FMNL1: variants seen among roughly 807,000 people sequenced by gnomAD.
FMNL1 encodes formin like 1.
FMNL1 carries 43 observed loss-of-function variants against 121.3 expected under a neutral mutation model. That is an observed-to-expected ratio of 0.35 (90% CI 0.28 to 0.46). The LOEUF (loss-of-function observed/expected upper bound fraction) is 0.46, where lower values mean the gene tolerates loss of function less well. Among genes scored for constraint, FMNL1 ranks in the 20% least tolerant of loss-of-function variants. The probability of loss-of-function intolerance (pLI) is 1.00; values close to 1 mark genes in which losing one functional copy is unlikely to be tolerated. For missense variants in FMNL1, 1,191 were observed against 1,482.4 expected (o/e 0.80, Z 3.23); for synonymous variants, 613 against 613.5 (o/e 1.00, Z 0.01).
Position 45,240,552 on chromosome 17 carries a change from C to T in FMNL1, c.1157C>T (p.Ala386Val), listed in dbSNP as rs371140378. The change falls in exon 12 of 27, where the codon GCG becomes GTG. Residue 386 changes from alanine to valine, a missense_variant. Transcript: ENST00000331495. ...CTGGACAATATTTTTGATGTGGGGG[C>T]GCTGCTGGAGGACACAGAGACCAAG... ...AYLDNIFDVGALLEDTETKNA... is the reference protein window; with the variant it reads ...AYLDNIFDVGVLLEDTETKNA... 52 of 1,613,852 alleles carry T rather than the reference C, an allele frequency of 3.2e-5. No individual in the cohort carries two copies. Among genetic ancestry groups the T allele is most frequent in the African/African-American group, 2.0e-4 (15 of 74,926 alleles).
In FMNL1 at chr17:45,242,331, C is replaced by T. The variant is rs750556563; in HGVS notation, c.1886-10C>T. The T allele has an allele frequency of 2.5e-6, 4 of 1,613,432 alleles. No individual in the cohort carries two copies. Among genetic ancestry groups the T allele is most frequent in the Non-Finnish European group, 3.4e-6 (4 of 1,179,514 alleles). Reference sequence around the variant, plus strand: ...CAGTGCTCACCACTGCCCCCAAACCCCCGTCCCAGGAGTGAAGGCCAAGAA... The same window carrying T: ...CAGTGCTCACCACTGCCCCCAAACCTCCGTCCCAGGAGTGAAGGCCAAGAA... On this transcript the variant is annotated splice_polypyrimidine_tract_variant and intron_variant, in intron 15 of 26. Coordinates refer to ENST00000331495, the MANE Select transcript of FMNL1 (RefSeq NM_005892.4).
At position 45,233,041 on chromosome 17, in the gene FMNL1, C is replaced by T; in HGVS notation, c.328-183C>T. 1.4e-6 allele frequency: 1 copy of T among 690,450 alleles called. No homozygotes were observed. The highest frequency in any genetic ancestry group is 2.6e-6 in the Non-Finnish European group (1 of 378,838). The allele number at this position is 690,450 out of a possible 1,614,324, so 42.8% of individuals were successfully genotyped here. ...CTGCTTGTCTATGTATGGGGGAGCACATGTAGCCTGTGAGTTCTTATTCTG... is the reference window on the plus strand; with the variant it reads ...CTGCTTGTCTATGTATGGGGGAGCATATGTAGCCTGTGAGTTCTTATTCTG... On this transcript the variant is annotated intron_variant, in intron 3 of 26. Transcript: ENST00000331495. This position sits in a 1 kb window ranked among gnomAD's most constrained non-coding sequence, Gnocchi z 4.1.
At chr17:45,227,980 C>A (rs1598181273) in intron 1 of FMNL1, among the ~76,000 whole-genome samples, 1 of 152,166 alleles carries the variant, frequency 6.6e-6, no homozygotes, top group South Asian at 2.1e-4. Flanking sequence ...GTATCCCGCC[C>A]ACCTGGACTG....
intron 1 of FMNL1, among the ~76,000 whole-genome samples, chr17:45,227,870 T>C (rs2043360334): frequency 6.6e-6 from 1 of 152,176 alleles, no homozygotes; most frequent in Non-Finnish European, 1.5e-5. Context: ...AAAGAAGCTG[T>C]AGGGCTAGTT....
At chr17:45,228,573 G>A (rs895826438) in intron 1 of FMNL1, among the ~76,000 whole-genome samples, 4 of 152,234 alleles carry the variant, frequency 2.6e-5, no homozygotes, top group African/African-American at 7.2e-5. Context: ...TGCCAGTGAC[G>A]GCAGTGAGGG....
chr17:45,225,206 C>G (rs2043305480), intron 1 of FMNL1, among the ~76,000 whole-genome samples: 1 of 152,212 alleles, frequency 6.6e-6, no homozygotes, highest in Non-Finnish European at 1.5e-5. Context: ...TGCCCAGAGG[C>G]CTGGGTGCCT....
rs1296064345 is a variant in FMNL1 at position 45,231,654 on chromosome 17, CTT to C, written c.214-711_214-710del. 6.6e-6 allele frequency among the ~76,000 whole-genome samples: 1 copy of C among 152,030 alleles called. No homozygotes were observed. The highest frequency in any genetic ancestry group is 2.4e-5 in the African/African-American group (1 of 41,374). On this transcript the variant is annotated intron_variant, in intron 2 of 26. Transcript: ENST00000331495. The surrounding 1 kb of genome is among the most constrained non-coding windows in gnomAD (Gnocchi z 4.7). Reference sequence around the variant, plus strand: ...GGGGTCTTTGCCGTGGTCCCTGCCTCTTTGTGTGAGTGGCCGCTGGAGCCTGC... The same window carrying C: ...GGGGTCTTTGCCGTGGTCCCTGCCTCTGTGTGAGTGGCCGCTGGAGCCTGC...
In FMNL1 at chr17:45,242,075, C is replaced by CGCT; in HGVS notation, c.1816_1817insTGC (p.Pro605_Pro606insLeu). On this transcript the variant is annotated inframe_insertion, in exon 15 of 27. Coordinates refer to ENST00000331495, the MANE Select transcript of FMNL1 (RefSeq NM_005892.4). Reference sequence around the variant, plus strand: ...ACTGACGGGCCGGTGCCTCCGCCGCCGCCGCCGCCGCCGCCGCCTCCCGGA... The same window carrying CGCT: ...ACTGACGGGCCGGTGCCTCCGCCGCCGCTGCCGCCGCCGCCGCCGCCTCCCGGA... The CGCT allele has an allele frequency of 2.0e-6, 3 of 1,506,782 alleles. No homozygotes were observed. The highest frequency in any genetic ancestry group is 2.7e-6 in the Non-Finnish European group (3 of 1,128,486). 93.3% of individuals were successfully genotyped at this position (1,506,782 alleles called of 1,614,324 possible).
intron 1 of FMNL1, among the ~76,000 whole-genome samples, chr17:45,224,278 G>C (rs1166030241): frequency 6.6e-6 from 1 of 152,174 alleles, no homozygotes; most frequent in Admixed American, 6.5e-5. Context: ...TTGCCCCAGG[G>C]TGACAACCTT....
Position 45,241,792 on chromosome 17 carries a change from C to T in FMNL1, c.1586-55C>T. 1.4e-6 allele frequency: 2 copies of T among 1,404,320 alleles called. No individual in the cohort carries two copies. Among genetic ancestry groups the T allele is most frequent in the Admixed American group, 3.2e-5 (1 of 31,002 alleles). 87.0% of individuals were successfully genotyped at this position (1,404,320 alleles called of 1,614,324 possible). ...GAGCGGAGAGGCGGAGAGGGGCCCA[C>T]CCAAGTCAAGGAGCTGACTCGCGCC... On this transcript the variant is annotated intron_variant, in intron 14 of 26. Coordinates refer to ENST00000331495, the MANE Select transcript of FMNL1 (RefSeq NM_005892.4). This position sits in a 1 kb window ranked among gnomAD's most constrained non-coding sequence, Gnocchi z 7.0.
At chr17:45,240,933 G>A (rs1262258843) in intron 12 of FMNL1, 196 bp from the exon 13 acceptor site, 20 of 727,368 alleles carry the variant, frequency 2.7e-5, no homozygotes, top group South Asian at 8.8e-5. Context: ...TCCACCTCCC[G>A]CATCACTGGT....
rs2043798537 is a variant in FMNL1 at position 45,245,075 on chromosome 17, A to C, written c.2695A>C (p.Ser899Arg). ...GTACCCGCAACTCACAGGCTTCCAC[A>C]GCGACCTGCACTTCCTGGACAAGGC... ...EKYPQLTGFHSDLHFLDKAGS... is the reference protein window; with the variant it reads ...EKYPQLTGFHRDLHFLDKAGS... The change falls in exon 21 of 27, where the codon AGC becomes CGC. Residue 899 changes from serine (S) to arginine (R), a missense_variant. This residue lies in a region of FMNL1 where 367 missense variants were observed against 528.6 expected (regional missense o/e 0.69). Transcript: ENST00000331495. 1 of 1,614,090 alleles carries C rather than the reference A, an allele frequency of 6.2e-7. No individual in the cohort carries two copies. Among genetic ancestry groups the C allele is most frequent in the Admixed American group, 1.7e-5 (1 of 60,008 alleles).
At position 45,245,958 on chromosome 17, in the gene FMNL1, GC is replaced by G; in HGVS notation, c.3080del (p.Pro1027GlnfsTer20). The stretch of plus-strand genomic sequence containing the variant: ...GCGCTGATACCCCGGGCAAAGGGGA[GC>G]CCCCAGCACCCAAGGTAGGCAACTG... ...AGADTPGKGEPPAPKSPPKAR... is the reference protein window; with the variant it reads ...AGADTPGKGEXPAPKSPPKAR... On this transcript the variant is annotated frameshift_variant, in exon 24 of 27. Coordinates refer to ENST00000331495, the MANE Select transcript of FMNL1 (RefSeq NM_005892.4). LOFTEE classifies it high-confidence loss of function. 1 of 1,571,850 alleles carries G rather than the reference GC, an allele frequency of 6.4e-7. No homozygotes were observed. Among genetic ancestry groups the G allele is most frequent in the Non-Finnish European group, 8.6e-7 (1 of 1,164,168 alleles).
intron 1 of FMNL1, among the ~76,000 whole-genome samples, chr17:45,227,106 G>A (rs1320248306): frequency 3.9e-5 from 6 of 152,088 alleles, no homozygotes; most frequent in Non-Finnish European, 8.8e-5. Context: ...TCAGCTTCTG[G>A]GCCCATCGGG....
At chr17:45,229,110 GGGC>G in intron 1 of FMNL1, among the ~76,000 whole-genome samples, 1 of 152,256 alleles carries the variant, frequency 6.6e-6, no homozygotes, top group East Asian at 1.9e-4. Context: ...GGCTGGGGGA[GGGC>G]GGCTGATGAG....
chr17:45,235,800 A>C (rs1389463387), intron 6 of FMNL1, among the ~76,000 whole-genome samples: 2 of 152,228 alleles, frequency 1.3e-5, no homozygotes, highest in Non-Finnish European at 2.9e-5. Context: ...GTGTGAATTC[A>C]GATCTGCGTC....
Position 45,242,088 on chromosome 17 carries a change from G to T in FMNL1, c.1827G>T (p.Pro609=). 2 of 1,482,204 alleles carry T rather than the reference G, an allele frequency of 1.3e-6. No homozygotes were observed. Among genetic ancestry groups the T allele is most frequent in the East Asian group, 2.9e-5 (1 of 34,456 alleles). 91.8% of individuals were successfully genotyped at this position (1,482,204 alleles called of 1,614,324 possible). A position where few individuals can be genotyped will look rare whatever the true frequency, so the allele number is the denominator to read the frequency against. Residue 609 remains proline (P), a synonymous_variant, in exon 15 of 27, where the codon CCG becomes CCT. Coordinates refer to ENST00000331495, the MANE Select transcript of FMNL1 (RefSeq NM_005892.4). ...TGCCTCCGCCGCCGCCGCCGCCGCC[G>T]CCGCCTCCCGGAGGTCCTCCTGATG... ...GPVPPPPPPP[P]PPPGGPPDAL... is the part of the protein sequence containing the mutation.
chr17:45,223,302 T>G (rs1552457), intron 1 of FMNL1, among the ~76,000 whole-genome samples: 114,741 of 152,136 alleles, frequency 0.75, 43,867 homozygotes, highest in African/African-American at 0.89. Context: ...CGCAGAGGGT[T>G]CTGGCTCAGT....
At chr17:45,226,902 C>G (rs1236614534) in intron 1 of FMNL1, among the ~76,000 whole-genome samples, 1 of 152,104 alleles carries the variant, frequency 6.6e-6, no homozygotes, top group Non-Finnish European at 1.5e-5. Flanking sequence ...GGGGCTGGGT[C>G]TCCTCATAGA....
Sources: gnomAD v4.1 joint callset for allele counts (sites outside exome capture counted in the v4.1 genomes callset) on GRCh38, gnomAD v4.1.1 for gene constraint, gnomAD v4.1.1 regional missense constraint, Gnocchi (gnomAD v3.1) non-coding constraint, MANE v1.5 for transcripts, NCBI Gene and HGNC (gene_info 2026-07-23, HGNC 2026-07-21) for gene names.